Variants in RBPJ observed in about 807,000 individuals in gnomAD.
RBPJ encodes the protein recombining binding protein suppressor of hairless.
Under a neutral mutation model 67.8 loss-of-function variants are expected in RBPJ, and 9 were observed. The observed-to-expected ratio is 0.13, with a 90% CI of 0.08 to 0.23. RBPJ has a LOEUF of 0.23. Ranked by LOEUF, RBPJ falls within the 10% of genes least tolerant of loss-of-function variation. RBPJ has a pLI of 1.00. For synonymous variants in RBPJ, 198 were observed against 203.3 expected, an observed-to-expected ratio of 0.97 and a Z score of 0.22; for missense variants, 305 against 595.6, an observed-to-expected ratio of 0.51 and a Z score of 5.08.
At chr4:26,316,710 T>TATACACATATTGTGTATATATATATATAC (rs1553861097), upstream of RBPJ, among the ~76,000 whole-genome samples, 1 of 141,918 alleles carries the variant, frequency 7.0e-6, no homozygotes, top group African/African-American at 2.6e-5. Context: ...TATATATATA[T>TATACACATATTGTGTATATATATATATAC]ACACACACAC....
chr4:26,282,512 CT>C (rs11459777), intron 1 of RBPJ, among the ~76,000 whole-genome samples: 2 of 148,950 alleles, frequency 1.3e-5, no homozygotes, highest in East Asian at 2.0e-4. Context: ...TCATGTATTT[CT>C]TTTTTTTTTC....
intron 1 of RBPJ, among the ~76,000 whole-genome samples, chr4:26,255,417 A>AAAAAAAAAG (rs1720292745): frequency 6.8e-6 from 1 of 147,376 alleles, no homozygotes; most frequent in African/African-American, 2.5e-5. Context: ...AAAAAAAAAA[A>AAAAAAAAAG]AAAAAAAAAG....
chr4:26,129,531 C>A, the RBPJ span, among the ~76,000 whole-genome samples: 8 of 152,310 alleles, frequency 5.3e-5, no homozygotes, highest in African/African-American at 1.7e-4. Context: ...ATAACCTTAA[C>A]TAATAACTTA....
At chr4:26,163,877 G>A in intron 1 of RBPJ, among the ~76,000 whole-genome samples, 1 of 152,236 alleles carries the variant, frequency 6.6e-6, no homozygotes, top group East Asian at 1.9e-4. Context: ...CCTAGGACAA[G>A]GTGCTTTTCC....
At chr4:26,178,846 A>G (rs1290648359) in intron 1 of RBPJ, among the ~76,000 whole-genome samples, 1 of 151,994 alleles carries the variant, frequency 6.6e-6, no homozygotes, top group African/African-American at 2.4e-5. Flanking sequence ...AATTTTTTCT[A>G]AAAGGGAATC....
chr4:26,242,167 G>A (rs965512919), intron 1 of RBPJ, among the ~76,000 whole-genome samples: 1 of 152,066 alleles, frequency 6.6e-6, no homozygotes, highest in Non-Finnish European at 1.5e-5. Context: ...GTGTGGTCCA[G>A]CCGGGAGCGG....
chr4:26,374,844 A>T (rs1395859466), intron 1 of RBPJ, among the ~76,000 whole-genome samples: 1 of 152,154 alleles, frequency 6.6e-6, no homozygotes, highest in African/African-American at 2.4e-5. Context: ...GTACGTGGAA[A>T]ATCATGAACA....
chr4:26,117,501 A>G, the RBPJ span, among the ~76,000 whole-genome samples: 2 of 152,152 alleles, frequency 1.3e-5, no homozygotes, highest in Admixed American at 6.5e-5. Context: ...ATTAAATTCT[A>G]TATTGCACAC....
intron 3 of RBPJ, among the ~76,000 whole-genome samples, chr4:26,409,035 CT>C (rs1235679188): frequency 6.6e-6 from 1 of 152,150 alleles, no homozygotes; most frequent in African/African-American, 2.4e-5. Context: ...AGCTGCTTTT[CT>C]TTTCTCTGGA....
chr4:26,185,561 G>T (rs1717216231), intron 1 of RBPJ, among the ~76,000 whole-genome samples: 1 of 152,184 alleles, frequency 6.6e-6, no homozygotes, highest in African/African-American at 2.4e-5. Context: ...CTAGTGACCT[G>T]CAATATTAAT....
chr4:26,330,676 G>A (rs1048403013), intron 1 of RBPJ, among the ~76,000 whole-genome samples: 1 of 152,172 alleles, frequency 6.6e-6, no homozygotes, highest in Non-Finnish European at 1.5e-5. Context: ...TGTGCTTAAA[G>A]TGAGGCATGA....
At chr4:26,182,206 G>C (rs1399957992) in intron 1 of RBPJ, among the ~76,000 whole-genome samples, 11 of 151,982 alleles carry the variant, frequency 7.2e-5, no homozygotes, top group African/African-American at 2.7e-4. Context: ...GCCGGGCGCC[G>C]TGGCGGGCGC....
upstream of RBPJ, among the ~76,000 whole-genome samples, chr4:26,161,145 T>TA (rs1230621325): frequency 7.2e-5 from 11 of 152,340 alleles, no homozygotes; most frequent in African/African-American, 2.6e-4. Flanking sequence ...AGAGGCCTTA[T>TA]ACACATTCAC....
intron 1 of RBPJ, among the ~76,000 whole-genome samples, chr4:26,181,012 T>C (rs1716965820): frequency 6.6e-6 from 1 of 152,178 alleles, no homozygotes; most frequent in Non-Finnish European, 1.5e-5. Context: ...CACATGTTCT[T>C]TTGCCTGCCA....
chr4:26,214,802 G>A, intron 1 of RBPJ, among the ~76,000 whole-genome samples: 1 of 56,856 alleles, frequency 1.8e-5, no homozygotes, highest in Non-Finnish European at 3.3e-5. Flanking sequence ...AAGGAAGGAA[G>A]GGAAAAGAGA....
intron 1 of RBPJ, among the ~76,000 whole-genome samples, chr4:26,195,419 A>G (rs567340423): frequency 6.6e-6 from 1 of 152,262 alleles, no homozygotes; most frequent in South Asian, 2.1e-4. Context: ...TGATCACACC[A>G]CTGCATTCCA....
intron 1 of RBPJ, among the ~76,000 whole-genome samples, chr4:26,227,847 C>T (rs1021952318): frequency 2.0e-5 from 3 of 152,272 alleles, no homozygotes; most frequent in African/African-American, 7.2e-5. Flanking sequence ...TAGTCCTTCT[C>T]CGGTTGAGTT....
At chr4:26,362,499 C>T (rs1196087389) in intron 1 of RBPJ, 3 of 1,527,004 alleles carry the variant, frequency 2.0e-6, no homozygotes, top group Non-Finnish European at 2.6e-6. Flanking sequence ...TTCTTCGGAA[C>T]CATTATGATC....
chr4:26,137,984 G>A, the RBPJ span, among the ~76,000 whole-genome samples: 1 of 152,210 alleles, frequency 6.6e-6, no homozygotes, highest in Non-Finnish European at 1.5e-5. Flanking sequence ...ATGAGGGAGT[G>A]TGATTTCTCA....
Sources: gnomAD v4.1 joint callset for allele counts (sites outside exome capture counted in the v4.1 genomes callset) on GRCh38, gnomAD v4.1.1 for gene constraint, MANE v1.5 for transcripts, NCBI Gene and HGNC (gene_info 2026-07-23, HGNC 2026-07-21) for gene names.